The following FBN2 variants were observed in gnomAD, a reference collection of about 807,000 sequenced individuals.
FBN2 encodes the protein fibrillin 2.
Under a neutral mutation model 355.6 loss-of-function variants are expected in FBN2, and 105 were observed. The ratio of observed to expected loss-of-function variants is 0.30; its 90% CI spans 0.25 to 0.35. The LOEUF (loss-of-function observed/expected upper bound fraction) is 0.35, where lower values mean the gene tolerates loss of function less well. Ranked by LOEUF, FBN2 falls within the 10% of genes least tolerant of loss-of-function variation. The probability of loss-of-function intolerance (pLI) is 1.00; values close to 1 mark genes in which losing one functional copy is unlikely to be tolerated. For missense variants in FBN2, 3,280 were observed against 3,758.7 expected, an observed-to-expected ratio of 0.87 and a Z score of 3.33; for synonymous variants, 1,350 against 1,301.2, an observed-to-expected ratio of 1.04 and a Z score of -0.81.
intron 18 of FBN2, among the ~76,000 whole-genome samples, chr5:128,363,891 T>C (rs1415459507): frequency 6.6e-6 from 1 of 152,214 alleles, no homozygotes; most frequent in Non-Finnish European, 1.5e-5. Flanking sequence ...TAAAAGCCAC[T>C]ACCAGAAACA....
At chr5:128,361,425 T>C (rs1301087232) in intron 19 of FBN2, among the ~76,000 whole-genome samples, 1 of 152,238 alleles carries the variant, frequency 6.6e-6, no homozygotes, top group African/African-American at 2.4e-5. Flanking sequence ...ATATTTGACA[T>C]TGTATTTCAG....
At chr5:128,359,154 A>G (rs1165219466) in intron 19 of FBN2, among the ~76,000 whole-genome samples, 1 of 152,062 alleles carries the variant, frequency 6.6e-6, no homozygotes, top group Non-Finnish European at 1.5e-5. Context: ...TGTAACTTCA[A>G]TCTGAAATAT....
rs980788082 is a variant in FBN2 at position 128,441,323 on chromosome 5, A to G, written c.952+5158T>C. On this transcript the variant is annotated intron_variant, in intron 7 of 64. Coordinates refer to ENST00000262464, the MANE Select transcript of FBN2 (RefSeq NM_001999.4). ...TCTCCATGAGTTTCCCCGTCAGTGC[A>G]GTCCCAGGCTGGGATGTGTGCCGCC... Among the ~76,000 whole-genome samples, 7 of 152,210 alleles carry G rather than the reference A, an allele frequency of 4.6e-5. 1 individual carries two copies. Among genetic ancestry groups the G allele is most frequent in the Admixed American group, 4.6e-4 (7 of 15,290 alleles).
At chr5:128,349,049 CA>C (rs1751271064) in intron 23 of FBN2, among the ~76,000 whole-genome samples, 1 of 152,198 alleles carries the variant, frequency 6.6e-6, no homozygotes, top group Non-Finnish European at 1.5e-5. Flanking sequence ...CTGTGTTCAA[CA>C]TATTCTTACT....
chr5:128,509,620 AT>A (rs1163809781), intron 5 of FBN2, among the ~76,000 whole-genome samples: 2 of 151,334 alleles, frequency 1.3e-5, no homozygotes, highest in African/African-American at 4.9e-5. Context: ...AAAATTTTTG[AT>A]TGCAGATATT....
intron 25 of FBN2, among the ~76,000 whole-genome samples, chr5:128,342,689 C>T (rs145375766): frequency 6.6e-6 from 1 of 151,864 alleles, no homozygotes; most frequent in Non-Finnish European, 1.5e-5. Context: ...CATCACACCT[C>T]ATTCTCTGTC....
chr5:128,406,778 T>C (rs993711609), intron 8 of FBN2, among the ~76,000 whole-genome samples: 50 of 152,172 alleles, frequency 3.3e-4, no homozygotes, highest in African/African-American at 1.1e-3. Context: ...GAATGTTCCA[T>C]CTAATATTTT....
chr5:128,463,956 T>C (rs1380049710), intron 6 of FBN2, among the ~76,000 whole-genome samples: 1 of 152,232 alleles, frequency 6.6e-6, no homozygotes, highest in Non-Finnish European at 1.5e-5. Context: ...AACTGCCATT[T>C]AAGAAGTCAT....
chr5:128,345,247 T>C lies in FBN2; in HGVS notation c.3217+110A>G. Reference sequence around the variant, plus strand: ...ATTGGTCACAAAACCTAAGTTTAACTGAGAAAATAAAGTGGGAAGTCAAAC... The same window carrying C: ...ATTGGTCACAAAACCTAAGTTTAACCGAGAAAATAAAGTGGGAAGTCAAAC... On this transcript the variant is annotated intron_variant, in intron 24 of 64. Coordinates refer to ENST00000262464, the MANE Select transcript of FBN2 (RefSeq NM_001999.4). 4.4e-6 allele frequency: 4 copies of C among 917,450 alleles called. No homozygotes were observed. In the South Asian group the frequency reaches 5.3e-5, roughly 12 times the overall value. 56.8% of individuals were successfully genotyped at this position (917,450 alleles called of 1,614,324 possible).
At position 128,357,301 on chromosome 5, in the gene FBN2, G is replaced by C; in HGVS notation, c.2649C>G (p.Leu883=). ...FNCECSPGSK[L]SSTGLICIDS... The stretch of plus-strand genomic sequence containing the variant: ...CAATACAGATCAATCCTGTGGAGCT[G>C]AGTTTGCTGCCGGGCGAACATTCAC... Residue 883 remains leucine, a synonymous_variant, in exon 20 of 65, where the codon CTC becomes CTG. Transcript: ENST00000262464. The C allele has an allele frequency of 6.2e-7, 1 of 1,613,970 alleles. No homozygotes were observed. The highest frequency in any genetic ancestry group is 1.1e-5 in the South Asian group (1 of 91,074).
At chr5:128,319,080 T>C (rs1386874094) in intron 34 of FBN2, 79 bp from the exon 35 acceptor site, 1 of 1,153,350 alleles carries the variant, frequency 8.7e-7, no homozygotes, top group Non-Finnish European at 1.3e-6. Context: ...CATTAGCGCA[T>C]TTTTCTGCCC....
At chr5:128,276,896 C>T (rs926633421) in intron 58 of FBN2, among the ~76,000 whole-genome samples, 2 of 152,204 alleles carry the variant, frequency 1.3e-5, no homozygotes, top group Non-Finnish European at 2.9e-5. Flanking sequence ...ACTGCTCACA[C>T]GTGTATAGAC....
At chr5:128,417,762 T>G (rs1337193954) in intron 7 of FBN2, among the ~76,000 whole-genome samples, 1 of 152,188 alleles carries the variant, frequency 6.6e-6, no homozygotes, top group Non-Finnish European at 1.5e-5. Context: ...ACTATTTTGT[T>G]GGGGATTTTT....
chr5:128,479,019 G>A (rs1454208135), intron 5 of FBN2, among the ~76,000 whole-genome samples: 1 of 152,088 alleles, frequency 6.6e-6, no homozygotes, highest in African/African-American at 2.4e-5. Context: ...CTCAAACATG[G>A]CTGCCTGAAA....
chr5:128,366,304 A>ATTAATATGAGTATAT, intron 17 of FBN2, 73 bp downstream of exon 17: 3 of 736,420 alleles, frequency 4.1e-6, no homozygotes, highest in Non-Finnish European at 6.9e-6. Context: ...ATATACTCAT[A>ATTAATATGAGTATAT]TTAATATTAG....
chr5:128,505,770 G>A (rs1469277478), intron 5 of FBN2, among the ~76,000 whole-genome samples: 1 of 152,054 alleles, frequency 6.6e-6, no homozygotes, highest in East Asian at 1.9e-4. Flanking sequence ...AATAATTTAA[G>A]GTTCATCAAT....
At chr5:128,286,620 AAG>A in intron 55 of FBN2, 96 bp downstream of exon 55, 2 of 1,413,482 alleles carry the variant, frequency 1.4e-6, no homozygotes, top group Non-Finnish European at 1.0e-6. Flanking sequence ...CAGCTGGAAA[AAG>A]AGTTGGCTTG....
At chr5:128,453,995 C>G (rs183873378) in intron 6 of FBN2, among the ~76,000 whole-genome samples, 40 of 151,168 alleles carry the variant, frequency 2.6e-4, no homozygotes, top group Non-Finnish European at 4.6e-4. Context: ...GGCTTGCCCC[C>G]CCCCCAAGTT....
chr5:128,479,267 A>G (rs1048153324), intron 5 of FBN2, among the ~76,000 whole-genome samples: 3 of 152,210 alleles, frequency 2.0e-5, no homozygotes, highest in Admixed American at 6.5e-5. Context: ...CAAAGGTCAC[A>G]TAGAACCTAA....
Sources: gnomAD v4.1 joint callset for allele counts (sites outside exome capture counted in the v4.1 genomes callset) on GRCh38, gnomAD v4.1.1 for gene constraint, MANE v1.5 for transcripts, NCBI Gene and HGNC (gene_info 2026-07-23, HGNC 2026-07-21) for gene names.